Variants in P2RX5 observed in about 807,000 individuals in gnomAD.
P2RX5 encodes purinergic receptor P2X 5, also known as P2X purinoceptor 5.
Under a neutral mutation model 54.1 loss-of-function variants are expected in P2RX5, and 46 were observed. That is an observed-to-expected ratio of 0.85 (90% CI 0.67 to 1.09). The LOEUF is 1.09. Ranked by LOEUF, P2RX5 falls within the 50% of genes least tolerant of loss-of-function variation. The pLI is 0.00. For missense variants in P2RX5, 566 were observed against 549.8 expected (o/e 1.03, Z -0.29); for synonymous variants, 226 against 226.4 (o/e 1.00, Z 0.02).
intron 2 of P2RX5, 66 bp downstream of exon 2, chr17:3,691,578 C>T (rs774068760): frequency 1.6e-5 from 25 of 1,598,184 alleles, no homozygotes; most frequent in Non-Finnish European, 2.1e-5. Context: ...AGAAGCTTCC[C>T]GTGTGACCCA....
intron 8 of P2RX5, 96 bp downstream of exon 8, chr17:3,688,530 C>G: frequency 7.3e-7 from 1 of 1,372,294 alleles, no homozygotes; most frequent in Non-Finnish European, 1.0e-6. Flanking sequence ...GCTCTGACAC[C>G]CACCCCCAGG....
the P2RX5 span, among the ~76,000 whole-genome samples, chr17:3,707,854 C>A: frequency 2.6e-5 from 4 of 151,918 alleles, no homozygotes; most frequent in African/African-American, 9.7e-5. Context: ...GTCAGGAGAT[C>A]GAGATCATCC....
the P2RX5 span, chr17:3,718,031 TGCCCC>T: frequency 6.6e-6 from 1 of 152,232 alleles, no homozygotes; most frequent in Non-Finnish European, 1.5e-5. Context: ...TTCCCAAAAG[TGCCCC>T]AAAGATGCCC....
chr17:3,679,501 G>A lies in P2RX5; in HGVS notation c.1259+89C>T, dbSNP rs542498744. Reference sequence around the variant, plus strand: ...AGCTCACACCAGAGCAGAGGGGTCCGCTGGAGCTGCCAGGCATGAGAAGCC... The same window carrying A: ...AGCTCACACCAGAGCAGAGGGGTCCACTGGAGCTGCCAGGCATGAGAAGCC... On this transcript the variant is annotated intron_variant, in intron 11 of 11. Coordinates refer to ENST00000225328, the MANE Select transcript of P2RX5 (RefSeq NM_002561.4). 2.0e-3 allele frequency: 2,400 copies of A among 1,200,172 alleles called. 8 individuals are homozygous for A. The highest frequency in any genetic ancestry group is 4.8e-3 in the Middle Eastern group (19 of 3,984). The allele number at this position is 1,200,172 out of a possible 1,614,324, so 74.3% of individuals were successfully genotyped here.
At chr17:3,715,071 C>T in the P2RX5 span, 2 of 620,000 alleles carry the variant, frequency 3.2e-6, no homozygotes, top group Non-Finnish European at 2.9e-6. Flanking sequence ...ACTCCCTTCT[C>T]CTAACTTACT....
At chr17:3,681,855 C>G (rs780616666) in intron 10 of P2RX5, 41 bp downstream of exon 10, 2 of 1,388,150 alleles carry the variant, frequency 1.4e-6, no homozygotes, top group East Asian at 4.6e-5. Context: ...GGGTGCTCCA[C>G]AGGGCTGCCC....
intron 7 of P2RX5, 34 bp downstream of exon 7, chr17:3,689,458 C>T (rs1229202882): frequency 6.2e-7 from 1 of 1,612,710 alleles, no homozygotes; most frequent in African/African-American, 1.3e-5. Context: ...CCCCCAGGCC[C>T]TCAGGGAGGG....
chr17:3,679,191 C>T (rs1166492789), intron 11 of P2RX5, among the ~76,000 whole-genome samples: 2 of 152,170 alleles, frequency 1.3e-5, no homozygotes, highest in Non-Finnish European at 1.5e-5. Flanking sequence ...AGCAAATTAC[C>T]GAGCCTTTCT....
intron 11 of P2RX5, chr17:3,676,767 A>G (rs1359710576): frequency 2.6e-5 from 6 of 232,558 alleles, no homozygotes; most frequent in Non-Finnish European, 3.5e-5. Context: ...CCCCACTTTA[A>G]ATAGCAAGGC....
chr17:3,676,272 A>C, intron 11 of P2RX5: 1 of 985,426 alleles, frequency 1.0e-6, no homozygotes, highest in Non-Finnish European at 1.2e-6. Context: ...CTTCATGTCC[A>C]TTTTTGACAG....
chr17:3,680,228 T>TGCGTCCTCCACCCA (rs2050217844), intron 10 of P2RX5, among the ~76,000 whole-genome samples: 1 of 131,274 alleles, frequency 7.6e-6, no homozygotes. Context: ...TCCTCCACCC[T>TGCGTCCTCCACCCA]GCGTCCTCCA....
In P2RX5 at chr17:3,676,115, C is replaced by T. The variant is rs551142155; in HGVS notation, c.1260-2238G>A. ...ACTGGGACTGGTTGAGTGAGGGCGG[C>T]GCTGGAGCACTTTTCTGCCAGGTGG... On this transcript the variant is annotated intron_variant, in intron 11 of 11. Transcript: ENST00000225328. 18 of 985,458 alleles carry T rather than the reference C, an allele frequency of 1.8e-5. No individual in the cohort carries two copies. In the South Asian group the frequency reaches 3.8e-4, roughly 21 times the overall value. 61.0% of individuals were successfully genotyped at this position (985,458 alleles called of 1,614,324 possible).
Position 3,673,638 on chromosome 17 carries a change from C to G in P2RX5, c.*230G>C, listed in dbSNP as rs1171110842. 4.2e-6 allele frequency: 6 copies of G among 1,432,970 alleles called. No homozygotes were observed. The highest frequency in any genetic ancestry group is 5.5e-6 in the Non-Finnish European group (6 of 1,095,180). The allele number at this position is 1,432,970 out of a possible 1,614,324, so 88.8% of individuals were successfully genotyped here. A position where few individuals can be genotyped will look rare whatever the true frequency, so the allele number is the denominator to read the frequency against. On this transcript the variant is annotated 3_prime_UTR_variant, in exon 12 of 12. Transcript: ENST00000225328. ...CAGCCACGGAGAAAGGAAGAACTGA[C>G]GGCAGGGGGTGGGGCAAAAAGACAG...
In P2RX5 at chr17:3,695,859, G is replaced by A; in HGVS notation, c.137+10C>T. ...TCCCCCGCCTTCCCAAAAGTCCGCG[G>A]AGAACTTACACGACCAGGTACGCCA... On this transcript the variant is annotated intron_variant, in intron 1 of 11. Coordinates refer to ENST00000225328, the MANE Select transcript of P2RX5 (RefSeq NM_002561.4). The A allele has an allele frequency of 6.2e-7, 1 of 1,613,578 alleles. No homozygotes were observed. Among genetic ancestry groups the A allele is most frequent in the Non-Finnish European group, 8.5e-7 (1 of 1,179,702 alleles).
the P2RX5 span, among the ~76,000 whole-genome samples, chr17:3,722,683 G>A: frequency 1.3e-5 from 2 of 152,130 alleles, no homozygotes; most frequent in African/African-American, 4.8e-5. Flanking sequence ...AGAAAGGCGA[G>A]TACTAGGAGA....
chr17:3,691,910 T>C, intron 1 of P2RX5, 116 bp from the exon 2 acceptor site: 1 of 1,050,482 alleles, frequency 9.5e-7, no homozygotes, highest in Non-Finnish European at 1.5e-6. Context: ...TGGAGCAGGC[T>C]CAGGGCTCCA....
chr17:3,723,797 TC>T, the P2RX5 span: 1 of 1,593,788 alleles, frequency 6.3e-7, no homozygotes, highest in African/African-American at 1.3e-5. Flanking sequence ...CCGCCAGTTT[TC>T]CGTCCCGTCC....
chr17:3,673,877 C>A lies in P2RX5; in HGVS notation c.1260G>T (p.Arg420Ser). The part of the protein sequence containing the change: ...SVCPQLLEPH[R>S]ST ...CGTAAGCAGAGGCAATTCACGTGCT[C>A]CTGGAATATCAGAACAGAAAGGAGC... is the stretch of plus-strand genomic sequence containing the variant. Residue 420 changes from arginine (R) to serine (S), a missense_variant and splice_region_variant, in exon 12 of 12, where the codon AGG (arginine) becomes AGT (serine). Coordinates refer to ENST00000225328, the MANE Select transcript of P2RX5 (RefSeq NM_002561.4). 1 of 1,612,128 alleles carries A rather than the reference C, an allele frequency of 6.2e-7. No individual in the cohort carries two copies.
Position 3,679,783 on chromosome 17 carries a change from C to G in P2RX5, c.1066G>C (p.Gly356Arg). ...GCCTCCTGGGAACTGTCTTCTAGGC[C>G]CCTGGACAAGATACAAGCTGTTCAC... is the stretch of plus-strand genomic sequence containing the variant. ...YRDKKYEEVR[G>R]LEDSSQEAED... The change falls in exon 11 of 12, where the codon GGC becomes CGC. Residue 356 changes from glycine (G) to arginine (R), a missense_variant and splice_region_variant. By Grantham distance (125) the Gly-to-Arg change is moderately radical. Coordinates refer to ENST00000225328, the MANE Select transcript of P2RX5 (RefSeq NM_002561.4). 1.2e-6 allele frequency: 2 copies of G among 1,609,232 alleles called. No homozygotes were observed. The highest frequency in any genetic ancestry group is 1.7e-6 in the Non-Finnish European group (2 of 1,179,698).
Sources: allele counts gnomAD v4.1 joint callset (sites outside exome capture counted in the v4.1 genomes callset), GRCh38; gene constraint gnomAD v4.1.1; transcripts MANE v1.5; gene names NCBI Gene and HGNC (gene_info 2026-07-23, HGNC 2026-07-21).